The following MTMR9 variants were observed in gnomAD, a reference collection of about 807,000 sequenced individuals.
MTMR9 encodes the protein myotubularin-related protein 9.
Under a neutral mutation model 69.5 loss-of-function variants are expected in MTMR9, and 39 were observed. That is an observed-to-expected ratio of 0.56 (90% CI 0.43 to 0.73). MTMR9 has a LOEUF of 0.73. Among genes scored for constraint, MTMR9 ranks in the 30% least tolerant of loss-of-function variants. The pLI is 0.00. For missense variants in MTMR9, 900 were observed against 671.2 expected (o/e 1.34, Z -3.77); for synonymous variants, 354 against 240.8 (o/e 1.47, Z -4.35).
At chr8:11,329,176 A>G (rs1008617356), downstream of MTMR9, among the ~76,000 whole-genome samples, 3 of 152,240 alleles carry the variant, frequency 2.0e-5, no homozygotes, top group African/African-American at 7.2e-5. Flanking sequence ...GGAGGATCAC[A>G]TAGGGCCAGG....
intron 9 of MTMR9, 63 bp downstream of exon 9, chr8:11,319,901 G>A (rs2293855): frequency 0.4 from 627,654 of 1,552,686 alleles, 131,317 homozygotes; most frequent in East Asian, 0.68. Context: ...GCCTGTGAGT[G>A]TGTGCTGTTG....
intron 9 of MTMR9, 74 bp from the exon 10 acceptor site, chr8:11,322,551 C>T: frequency 1.6e-6 from 2 of 1,265,954 alleles, no homozygotes; most frequent in Non-Finnish European, 1.1e-6. Flanking sequence ...TAAATTACAT[C>T]TTATCCACAA....
intron 1 of MTMR9, among the ~76,000 whole-genome samples, chr8:11,286,666 CAAAAAAAAA>C (rs869105936): frequency 2.4e-4 from 17 of 71,664 alleles, no homozygotes; most frequent in South Asian, 4.8e-4. Flanking sequence ...AACTCCATCT[CAAAAAAAAA>C]AAAAAAAAAA....
Position 11,328,009 on chromosome 8 carries a change from T to C in MTMR9, c.*5221T>C, listed in dbSNP as rs571288951. The C allele has an allele frequency of 3.9e-5, 6 of 152,348 alleles. No homozygotes were observed. The highest frequency in any genetic ancestry group is 1.4e-4 in the African/African-American group (6 of 41,586). The allele number at this position is 152,348 out of a possible 1,614,324, so 9.4% of individuals were successfully genotyped here. A position where few individuals can be genotyped will look rare whatever the true frequency, so the allele number is the denominator to read the frequency against. ...TGAATCAAGAAAGAGTCTTGTCGAA[T>C]GTGGTACTGTTCTTAGTGTGTAATA... On this transcript the variant is annotated 3_prime_UTR_variant, in exon 10 of 10. Coordinates refer to ENST00000221086, the MANE Select transcript of MTMR9 (RefSeq NM_015458.4).
intron 2 of MTMR9, chr8:11,298,704 A>G: frequency 2.3e-6 from 2 of 866,770 alleles, no homozygotes; most frequent in Non-Finnish European, 1.4e-6. Flanking sequence ...TTGATATGGT[A>G]TCCTTTCCCC....
chr8:11,300,382 A>G, intron 3 of MTMR9: 1 of 322,746 alleles, frequency 3.1e-6, no homozygotes, highest in South Asian at 4.2e-5. Flanking sequence ...GTATTTCTAA[A>G]TTAAACAGAA....
At chr8:11,287,659 A>G (rs1001732811) in intron 1 of MTMR9, among the ~76,000 whole-genome samples, 4 of 142,096 alleles carry the variant, frequency 2.8e-5, no homozygotes, top group East Asian at 3.9e-4. Flanking sequence ...AAATAAATAT[A>G]TATATTTATT....
intron 1 of MTMR9, among the ~76,000 whole-genome samples, chr8:11,289,292 G>A (rs1281214787): frequency 6.6e-6 from 1 of 152,242 alleles, no homozygotes; most frequent in Non-Finnish European, 1.5e-5. Context: ...AGGTGAGAAA[G>A]TCATTAAGGG....
rs562214591 is a variant in MTMR9, at chr8:11,296,923, A to G, written c.291+1621A>G. On this transcript the variant is annotated intron_variant, in intron 2 of 9. Transcript: ENST00000221086. ...AATATTGAATATTGGTTCAGATTAC[A>G]AATAATAGAAATTTTACTTGGTTAG... Among the ~76,000 whole-genome samples, 65 of 152,264 alleles carry G rather than the reference A, an allele frequency of 4.3e-4. 1 individual carries two copies. Among genetic ancestry groups the G allele is most frequent in the African/African-American group, 1.5e-3 (64 of 41,564 alleles).
Position 11,306,376 on chromosome 8 carries a change from C to T in MTMR9, c.778C>T (p.Gln260Ter), listed in dbSNP as rs1159187751. 6.2e-7 allele frequency: 1 copy of T among 1,613,924 alleles called. No homozygotes were observed. The highest frequency in any genetic ancestry group is 8.5e-7 in the Non-Finnish European group (1 of 1,179,940). ...GGFEQEAHYP[Q>*]WRRIHKSIER... is the part of the protein sequence containing the mutation. ...CTTTGAACAAGAAGCTCATTATCCT[C>T]AGTGGAGGCGAATTCATAAGTCCAT... The change falls in exon 5 of 10, where the codon CAG (glutamine) becomes TAG (stop). Residue 260 changes from glutamine (Q) to a stop codon, truncating the protein, a stop_gained. Coordinates refer to ENST00000221086, the MANE Select transcript of MTMR9 (RefSeq NM_015458.4). LOFTEE classifies it high-confidence loss of function.
chr8:11,287,276 A>T (rs1799196855), intron 1 of MTMR9, among the ~76,000 whole-genome samples: 1 of 152,158 alleles, frequency 6.6e-6, no homozygotes, highest in South Asian at 2.1e-4. Flanking sequence ...ATGACCATCA[A>T]CTACCTTTCC....
rs1275069915 is a variant in MTMR9, at chr8:11,324,162, C to A, written c.*1374C>A. On this transcript the variant is annotated 3_prime_UTR_variant, in exon 10 of 10. Transcript: ENST00000221086. Reference sequence around the variant, plus strand: ...GGTAGAGAACACACTACACTGAACCCTGCTTTAGAGCTGTGTGTTGAGCTA... The same window carrying A: ...GGTAGAGAACACACTACACTGAACCATGCTTTAGAGCTGTGTGTTGAGCTA... 1 of 152,178 alleles carries A rather than the reference C, an allele frequency of 6.6e-6. No homozygotes were observed. The highest frequency in any genetic ancestry group is 1.5e-5 in the Non-Finnish European group (1 of 68,022). 9.4% of individuals were successfully genotyped at this position (152,178 alleles called of 1,614,324 possible). A position where few individuals can be genotyped will look rare whatever the true frequency, so the allele number is the denominator to read the frequency against.
At chr8:11,315,122 T>C in intron 7 of MTMR9, 58 bp downstream of exon 7, 1 of 1,576,314 alleles carries the variant, frequency 6.3e-7, no homozygotes, top group Non-Finnish European at 8.7e-7. Context: ...GATCCTGCTT[T>C]GTGTGGTAGC....
chr8:11,331,227 C>T, downstream of MTMR9: 17 of 1,613,954 alleles, frequency 1.1e-5, no homozygotes, highest in Non-Finnish European at 1.4e-5. Context: ...CAATGGCCTG[C>T]TGGTGGCCCT....
the MTMR9 span, among the ~76,000 whole-genome samples, chr8:11,333,328 C>T: frequency 1.3e-5 from 2 of 152,030 alleles, no homozygotes; most frequent in African/African-American, 4.8e-5. Context: ...TTAATGGAGG[C>T]CAGAAGACAA....
chr8:11,297,002 T>C (rs920204470), intron 2 of MTMR9, among the ~76,000 whole-genome samples: 1 of 152,208 alleles, frequency 6.6e-6, no homozygotes, highest in Non-Finnish European at 1.5e-5. Flanking sequence ...ACTATTTTGA[T>C]GTACACTGAA....
intron 7 of MTMR9, 58 bp from the exon 8 acceptor site, chr8:11,316,615 A>G (rs1800425748): frequency 8.7e-7 from 1 of 1,153,108 alleles, no homozygotes; most frequent in Admixed American, 2.8e-5. Context: ...TGTCGGTAGA[A>G]TGCTCTGTCA....
At chr8:11,330,680 G>T (rs1352355747), downstream of MTMR9, among the ~76,000 whole-genome samples, 1 of 152,128 alleles carries the variant, frequency 6.6e-6, no homozygotes, top group Non-Finnish European at 1.5e-5. Flanking sequence ...ATTAAGGGCG[G>T]TGCAAGATGT....
At chr8:11,314,575 G>T (rs1453279035) in intron 6 of MTMR9, among the ~76,000 whole-genome samples, 1 of 152,168 alleles carries the variant, frequency 6.6e-6, no homozygotes, top group Non-Finnish European at 1.5e-5. Context: ...AGCAGAAAGG[G>T]TAAATGCCTT....
Sources: gnomAD v4.1 joint callset for allele counts (sites outside exome capture counted in the v4.1 genomes callset) on GRCh38, gnomAD v4.1.1 for gene constraint, MANE v1.5 for transcripts, NCBI Gene and HGNC (gene_info 2026-07-23, HGNC 2026-07-21) for gene names.